ENOX2: variants seen among roughly 807,000 people sequenced by gnomAD.
ENOX2 encodes the protein APK1 antigen.
ENOX2 carries 36 observed loss-of-function variants against 45.0 expected under a neutral mutation model. The ratio of observed to expected loss-of-function variants is 0.80; its 90% CI spans 0.61 to 1.06. The LOEUF is 1.06. Among genes scored for constraint, ENOX2 ranks in the 50% least tolerant of loss-of-function variants. The pLI is 0.00. For synonymous variants in ENOX2, 174 were observed against 152.3 expected, an observed-to-expected ratio of 1.14 and a Z score of -1.05; for missense variants, 423 against 462.5, an observed-to-expected ratio of 0.91 and a Z score of 0.78.
chrX:130,858,754 C>A (rs1394130612), intron 2 of ENOX2, among the ~76,000 whole-genome samples: 1 of 111,704 alleles, frequency 9.0e-6, no homozygotes, highest in Non-Finnish European at 1.9e-5. Context: ...TGTTATTCTG[C>A]ATGCTTCTCC....
chrX:130,900,232 T>C (rs757422841), intron 2 of ENOX2, among the ~76,000 whole-genome samples: 9 of 113,191 alleles, frequency 8.0e-5, no homozygotes, highest in Non-Finnish European at 1.7e-4. Context: ...CTATTACTAC[T>C]TAATATTTGT....
intron 2 of ENOX2, among the ~76,000 whole-genome samples, chrX:130,790,684 T>C (rs1302855979): frequency 9.0e-6 from 1 of 111,685 alleles, no homozygotes; most frequent in Non-Finnish European, 1.9e-5. Flanking sequence ...CTCACACTGC[T>C]CCTCCACCTG....
chrX:130,747,088 T>TA (rs773515071), intron 3 of ENOX2, among the ~76,000 whole-genome samples: 19 of 112,256 alleles, frequency 1.7e-4, no homozygotes, highest in Middle Eastern at 4.6e-3. Flanking sequence ...AAGCTGCTTT[T>TA]AGGTTTGGGT....
intron 3 of ENOX2, among the ~76,000 whole-genome samples, chrX:130,723,059 T>C (rs973853665): frequency 1.5e-4 from 17 of 111,749 alleles, no homozygotes; most frequent in Non-Finnish European, 2.8e-4. Flanking sequence ...GGAGGGTGAG[T>C]GGGTTGGGTA....
chrX:130,632,825 T>C, intron 12 of ENOX2, among the ~76,000 whole-genome samples: 1 of 112,234 alleles, frequency 8.9e-6, no homozygotes, highest in Non-Finnish European at 1.9e-5. Context: ...CTTTGGCCTT[T>C]AGAATCCAAT....
At position 130,679,704 on chromosome X, in the gene ENOX2, T is replaced by C. The variant is rs1448163334; in HGVS notation, c.298A>G (p.Thr100Ala). Residue 100 changes from threonine (T) to alanine (A), a missense_variant, in exon 6 of 15, where the codon ACA (threonine) becomes GCA (alanine). Transcript: ENST00000394363. ...TCAGGCAGACCACCCACAAATACTG[T>C]TTTGCATCCTGGTGGTCTTTCTCGG... ...ATRERPPGCK[T>A]VFVGGLPENG... 1 of 1,211,462 alleles carries C rather than the reference T, an allele frequency of 8.3e-7. No homozygotes were observed. The highest frequency in any genetic ancestry group is 3.0e-5 in the East Asian group (1 of 33,852).
At chrX:130,731,203 A>G (rs998398404) in intron 3 of ENOX2, among the ~76,000 whole-genome samples, 1 of 112,086 alleles carries the variant, frequency 8.9e-6, no homozygotes, top group Non-Finnish European at 1.9e-5. Context: ...TAATAATAGT[A>G]TGTGCATTAT....
chrX:130,858,172 T>C (rs959306806), intron 2 of ENOX2, among the ~76,000 whole-genome samples: 1 of 104,749 alleles, frequency 9.5e-6, no homozygotes, highest in African/African-American at 3.5e-5. Flanking sequence ...TGGAGTGCAA[T>C]GGCGCAATTT....
chrX:130,788,830 C>T (rs2077003375), intron 2 of ENOX2, among the ~76,000 whole-genome samples: 1 of 112,208 alleles, frequency 8.9e-6, no homozygotes, highest in African/African-American at 3.2e-5. Flanking sequence ...AAGGGAAGTA[C>T]AAATTATTAA....
intron 2 of ENOX2, among the ~76,000 whole-genome samples, chrX:130,791,406 C>T (rs910642226): frequency 4.5e-5 from 5 of 111,238 alleles, no homozygotes; most frequent in East Asian, 2.8e-4. Context: ...AACTCAGCTA[C>T]AATTTGGGAT....
intron 13 of ENOX2, 60 bp from the exon 14 acceptor site, chrX:130,628,103 G>A: frequency 1.3e-6 from 1 of 782,077 alleles, no homozygotes; most frequent in Non-Finnish European, 2.0e-6. Flanking sequence ...GGTTCCACAT[G>A]ACAGTGAATA....
At chrX:130,862,892 T>G (rs2078431963) in intron 2 of ENOX2, among the ~76,000 whole-genome samples, 2 of 111,710 alleles carry the variant, frequency 1.8e-5, no homozygotes, top group African/African-American at 6.5e-5. Context: ...GCTTCCTTCT[T>G]ACTCTGACCA....
intron 3 of ENOX2, among the ~76,000 whole-genome samples, chrX:130,767,689 G>T (rs1400677207): frequency 1.8e-5 from 2 of 112,217 alleles, no homozygotes; most frequent in Admixed American, 9.5e-5. Context: ...GAACACAGGA[G>T]AATTTAATTC....
At chrX:130,900,807 A>G (rs1158761716) in intron 2 of ENOX2, among the ~76,000 whole-genome samples, 2 of 111,790 alleles carry the variant, frequency 1.8e-5, no homozygotes, top group Non-Finnish European at 3.8e-5. Context: ...CTGTTATACT[A>G]CACACTACAG....
Position 130,848,051 on chromosome X carries a change from G to A in ENOX2, c.-183+53633C>T, listed in dbSNP as rs1217809413. Among the ~76,000 whole-genome samples, 27 of 111,696 alleles carry A rather than the reference G, an allele frequency of 2.4e-4. No homozygotes were observed. The Admixed American group carries it at 2.5e-3, about 10-fold the overall frequency. On this transcript the variant is annotated intron_variant, in intron 2 of 14. Coordinates refer to ENST00000394363, the MANE Select transcript of ENOX2 (RefSeq NM_006375.4). ...TTGTTTTTGTTTTTGTTTTTGTTTT[G>A]AGATGGAGTCTCGCTCTGTCGCCCA... is the stretch of plus-strand genomic sequence containing the variant.
chrX:130,898,736 C>CT lies in ENOX2; in HGVS notation c.-183+2947dup, dbSNP rs58534541. On this transcript the variant is annotated intron_variant, in intron 2 of 14. Transcript: ENST00000394363. ...GTACATTTAAGATGTTCTTTTTTTT[C>CT]TTTTTTTTTTTTTTGTTGTTTTTGC... Among the ~76,000 whole-genome samples the CT allele has an allele frequency of 8.7e-3, 829 of 95,261 alleles. 4 individuals are homozygous for CT. Among genetic ancestry groups the CT allele is most frequent in the African/African-American group, 0.024 (637 of 26,199 alleles). 82.7% of individuals were successfully genotyped at this position (95,261 alleles called of 115,157 possible). A position where few individuals can be genotyped will look rare whatever the true frequency, so the allele number is the denominator to read the frequency against.
At chrX:130,722,723 T>G in intron 3 of ENOX2, among the ~76,000 whole-genome samples, 1 of 112,101 alleles carries the variant, frequency 8.9e-6, no homozygotes, top group Non-Finnish European at 1.9e-5. Flanking sequence ...CAGGACAATT[T>G]AGCGGGGATT....
At chrX:130,817,306 C>T (rs763717159) in intron 2 of ENOX2, among the ~76,000 whole-genome samples, 22 of 111,706 alleles carry the variant, frequency 2.0e-4, no homozygotes, top group Non-Finnish European at 2.8e-4. Context: ...AGCCCAGAAC[C>T]AGATGGATTC....
intron 2 of ENOX2, among the ~76,000 whole-genome samples, chrX:130,815,877 G>A (rs984826830): frequency 9.0e-6 from 1 of 111,374 alleles, no homozygotes; most frequent in South Asian, 3.8e-4. Context: ...ATCATGACAG[G>A]ATCAAATTCA....
Sources: gnomAD v4.1 joint callset for allele counts (sites outside exome capture counted in the v4.1 genomes callset) on GRCh38, gnomAD v4.1.1 for gene constraint, MANE v1.5 for transcripts, NCBI Gene and HGNC (gene_info 2026-07-23, HGNC 2026-07-21) for gene names.